The following NCOA6 variants were observed in gnomAD, a reference collection of about 807,000 sequenced individuals.
NCOA6 encodes NRC RAP250.
In NCOA6, 49 loss-of-function variants were observed where a neutral mutation model predicts 171.4. The observed-to-expected ratio is 0.29, with a 90% confidence interval of 0.23 to 0.36. NCOA6 has a LOEUF of 0.36. Ranked by LOEUF, NCOA6 falls within the 10% of genes least tolerant of loss-of-function variation. The pLI, the probability that NCOA6 is intolerant of heterozygous loss-of-function variation, is 1.00. For missense variants in NCOA6, 2,248 were observed against 2,554.5 expected, an observed-to-expected ratio of 0.88 and a Z score of 2.59; for synonymous variants, 910 against 927.5, an observed-to-expected ratio of 0.98 and a Z score of 0.34.
rs370085284 is a variant in NCOA6, at chr20:34,749,704, G to C, written c.2491C>G (p.Pro831Ala). Residue 831 changes from proline to alanine, a missense_variant, in exon 9 of 15, where the codon CCT becomes GCT. Transcript: ENST00000359003. Reference protein sequence around the residue: ...VSIQQTNMVPPHVQAMQGNSA... With the variant: ...VSIQQTNMVPAHVQAMQGNSA... ...TTTCCCTGCATGGCCTGCACATGAG[G>C]GGGGACCATGTTGGTTTGTTGAATG... 28 of 1,614,084 alleles carry C rather than the reference G, an allele frequency of 1.7e-5. No individual in the cohort carries two copies. In the Admixed American group the frequency reaches 3.8e-4, roughly 22 times the overall value.
At chr20:34,758,672 G>A in intron 6 of NCOA6, 133 bp downstream of exon 6, 6 of 1,179,592 alleles carry the variant, frequency 5.1e-6, no homozygotes, top group Non-Finnish European at 7.2e-6. Flanking sequence ...GAAGAAATCA[G>A]GTCAGATTTT....
chr20:34,723,058 G>A (rs550822017), intron 14 of NCOA6, among the ~76,000 whole-genome samples: 9 of 152,234 alleles, frequency 5.9e-5, no homozygotes, highest in African/African-American at 2.2e-4. Context: ...TAATAAACTG[G>A]TAAACATGTT....
At chr20:34,748,235 TAAAGA>T (rs2076362758) in intron 9 of NCOA6, among the ~76,000 whole-genome samples, 1 of 152,152 alleles carries the variant, frequency 6.6e-6, no homozygotes. Context: ...TTGATGCTAG[TAAAGA>T]ATTTAACTGA....
At chr20:34,799,967 T>C (rs1362161824) in intron 1 of NCOA6, among the ~76,000 whole-genome samples, 1 of 152,174 alleles carries the variant, frequency 6.6e-6, no homozygotes, top group African/African-American at 2.4e-5. Context: ...ACTGTAATTG[T>C]AGTGTATAAA....
In NCOA6 at chr20:34,778,958, CAAAAAAAAAAA is replaced by C. The variant is rs57631874; in HGVS notation, c.236-2521_236-2511del. ...TGGGTGACAGAGCAAGACTCCGTTT[CAAAAAAAAAAA>C]AAAAAAAAAAAAAAAGACAAGACAA... On this transcript the variant is annotated intron_variant, in intron 3 of 14. Transcript: ENST00000359003. Among the ~76,000 whole-genome samples, 3 of 46,512 alleles carry C rather than the reference CAAAAAAAAAAA, an allele frequency of 6.4e-5. No individual in the cohort carries two copies. In the East Asian group the frequency reaches 2.9e-3, roughly 45 times the overall value. 30.5% of individuals were successfully genotyped at this position (46,512 alleles called of 152,430 possible).
chr20:34,819,697 G>A (rs1399804563), intron 1 of NCOA6: 1 of 152,200 alleles, frequency 6.6e-6, no homozygotes, highest in Non-Finnish European at 1.5e-5. Context: ...ACCAGGTGCT[G>A]AGGAATCAGA....
At chr20:34,731,005 C>A (rs1339418683) in intron 13 of NCOA6, among the ~76,000 whole-genome samples, 1 of 151,898 alleles carries the variant, frequency 6.6e-6, no homozygotes, top group African/African-American at 2.4e-5. Flanking sequence ...CTGAGCCCGG[C>A]CGTTCTAGAC....
At position 34,742,408 on chromosome 20, in the gene NCOA6, A is replaced by G; in HGVS notation, c.3848T>C (p.Ile1283Thr). 1 of 1,614,230 alleles carries G rather than the reference A, an allele frequency of 6.2e-7. No homozygotes were observed. Residue 1283 changes from isoleucine to threonine, a missense_variant, in exon 11 of 15, where the codon ATC (isoleucine) becomes ACC (threonine). By Grantham distance (89) the Ile-to-Thr change is moderately conservative. This residue lies in a region of NCOA6 where 2 missense variants were observed against 17.4 expected (regional missense o/e 0.11). Coordinates refer to ENST00000359003, the MANE Select transcript of NCOA6 (RefSeq NM_014071.5). ...QGLNPTTLKA[I>T]GQAPSNLTMN... ...GGTAAGATTTGAAGGTGCTTGCCCGATGGCCTTCAAAGTTGTTGGATTTAG... is the reference window on the plus strand; with the variant it reads ...GGTAAGATTTGAAGGTGCTTGCCCGGTGGCCTTCAAAGTTGTTGGATTTAG...
intron 10 of NCOA6, among the ~76,000 whole-genome samples, chr20:34,744,360 C>T (rs2076240490): frequency 1.3e-5 from 2 of 152,132 alleles, no homozygotes. Flanking sequence ...AAAAGATACG[C>T]AAACCAAGAA....
chr20:34,763,688 G>C (rs1383331692), intron 5 of NCOA6, among the ~76,000 whole-genome samples: 3 of 152,072 alleles, frequency 2.0e-5, no homozygotes, highest in Admixed American at 6.6e-5. Context: ...GCTATTAATG[G>C]GTATTCACTA....
chr20:34,821,838 C>T (rs889837535), intron 1 of NCOA6, among the ~76,000 whole-genome samples: 5 of 152,164 alleles, frequency 3.3e-5, no homozygotes, highest in Non-Finnish European at 5.9e-5. Flanking sequence ...CCGCCCGCCT[C>T]GGCCTCCCAA....
chr20:34,819,281 G>A (rs1358275425), intron 1 of NCOA6: 1 of 152,104 alleles, frequency 6.6e-6, no homozygotes, highest in African/African-American at 2.4e-5. Flanking sequence ...AGACTATGGA[G>A]AACTAGGAAA....
chr20:34,746,937 A>G lies in NCOA6; in HGVS notation c.2793-9T>C. ...GGCGAGTATCTGGGGTGCTAAAAAA[A>G]AAAAAAAAAAAAAAAGTGACATATT... On this transcript the variant is annotated splice_polypyrimidine_tract_variant and intron_variant, in intron 9 of 14. Coordinates refer to ENST00000359003, the MANE Select transcript of NCOA6 (RefSeq NM_014071.5). 6.8e-7 allele frequency: 1 copy of G among 1,479,566 alleles called. No individual in the cohort carries two copies. The highest frequency in any genetic ancestry group is 2.3e-5 in the East Asian group (1 of 42,718). The allele number at this position is 1,479,566 out of a possible 1,614,324, so 91.7% of individuals were successfully genotyped here.
At chr20:34,797,162 G>A (rs1459618257) in intron 1 of NCOA6, among the ~76,000 whole-genome samples, 2 of 152,060 alleles carry the variant, frequency 1.3e-5, no homozygotes, top group African/African-American at 2.4e-5. Flanking sequence ...AGGAGTAATT[G>A]TGCCACCTCT....
At chr20:34,793,455 T>G (rs77771511) in intron 1 of NCOA6, among the ~76,000 whole-genome samples, 1 of 152,116 alleles carries the variant, frequency 6.6e-6, no homozygotes, top group African/African-American at 2.4e-5. Flanking sequence ...ATATTTACTG[T>G]AGATATAAAA....
intron 2 of NCOA6, 64 bp downstream of exon 2, chr20:34,792,383 GAAA>G (rs755498905): frequency 2.0e-4 from 64 of 317,886 alleles, no homozygotes; most frequent in Non-Finnish European, 2.0e-4. Context: ...GACAGTATCA[GAAA>G]AAAAAAAAAA....
rs779605756 is a variant in NCOA6 at position 34,741,544 on chromosome 20, A to G, written c.4712T>C (p.Val1571Ala). ...CATTACTGGAGGGATGCTTGGTGCA[A>G]CGTTAGAACTGACCTCACTCAATTC... ...HPELSEVSSN[V>A]APSIPPVMSR... Residue 1571 changes from valine (V) to alanine (A), a missense_variant, in exon 11 of 15, where the codon GTT becomes GCT. Physicochemically the swap from Val to Ala is moderately conservative, Grantham distance 64. Transcript: ENST00000359003. 1.1e-5 allele frequency: 17 copies of G among 1,614,220 alleles called. No homozygotes were observed. The highest frequency in any genetic ancestry group is 1.3e-5 in the African/African-American group (1 of 75,042).
intron 14 of NCOA6, among the ~76,000 whole-genome samples, chr20:34,716,429 T>TGCCAGA (rs1487934023): frequency 2.6e-5 from 4 of 152,178 alleles, no homozygotes; most frequent in Admixed American, 6.5e-5. Flanking sequence ...TTTAACTTAA[T>TGCCAGA]CTTATGCCAG....
intron 3 of NCOA6, among the ~76,000 whole-genome samples, chr20:34,777,468 A>G (rs2077365341): frequency 6.6e-6 from 1 of 151,226 alleles, no homozygotes; most frequent in South Asian, 2.1e-4. Flanking sequence ...TACAAAAATT[A>G]GCCAGGCATG....
Sources: gnomAD v4.1 joint callset for allele counts (sites outside exome capture counted in the v4.1 genomes callset) on GRCh38, gnomAD v4.1.1 for gene constraint, gnomAD v4.1.1 regional missense constraint, MANE v1.5 for transcripts, NCBI Gene and HGNC (gene_info 2026-07-23, HGNC 2026-07-21) for gene names.